Variants in CMTM8 observed in about 807,000 individuals in gnomAD.
CMTM8 encodes CKLF-like MARVEL transmembrane domain-containing protein 8.
Under a neutral mutation model 18.6 loss-of-function variants are expected in CMTM8, and 12 were observed. The ratio of observed to expected loss-of-function variants is 0.65; its 90% CI spans 0.41 to 1.05. The LOEUF (loss-of-function observed/expected upper bound fraction) is 1.05, where lower values mean the gene tolerates loss of function less well. CMTM8 is among the 50% of genes least tolerant of loss of function. The pLI is 0.00. For synonymous variants in CMTM8, 87 were observed against 90.6 expected (o/e 0.96, Z 0.23); for missense variants, 217 against 227.2 (o/e 0.95, Z 0.29).
chr3:32,339,969 T>C (rs180979782), intron 1 of CMTM8, among the ~76,000 whole-genome samples: 1 of 151,992 alleles, frequency 6.6e-6, no homozygotes, highest in East Asian at 1.9e-4. Flanking sequence ...TCTCAAAAAA[T>C]AAATAAATAA....
chr3:32,307,786 A>T (rs1695745468), intron 1 of CMTM8, among the ~76,000 whole-genome samples: 1 of 152,186 alleles, frequency 6.6e-6, no homozygotes, highest in Non-Finnish European at 1.5e-5. Context: ...GAGTCAGTAG[A>T]TCTGGAGTGG....
intron 1 of CMTM8, among the ~76,000 whole-genome samples, chr3:32,246,384 C>T (rs773481372): frequency 2.2e-4 from 33 of 152,150 alleles, no homozygotes; most frequent in Non-Finnish European, 4.0e-4. Context: ...CTGCGTCCCT[C>T]CACAGAAGAC....
chr3:32,281,699 G>A (rs1301386623), intron 1 of CMTM8, among the ~76,000 whole-genome samples: 1 of 151,944 alleles, frequency 6.6e-6, no homozygotes, highest in African/African-American at 2.4e-5. Flanking sequence ...AATCAGCCTT[G>A]TCACTAGTCT....
chr3:32,355,645 C>T (rs1696802390), intron 1 of CMTM8, among the ~76,000 whole-genome samples: 1 of 152,180 alleles, frequency 6.6e-6, no homozygotes, highest in South Asian at 2.1e-4. Context: ...AAAAATCTAG[C>T]CTAATCTTAA....
chr3:32,351,102 A>G (rs1696698832), intron 1 of CMTM8, among the ~76,000 whole-genome samples: 1 of 152,274 alleles, frequency 6.6e-6, no homozygotes, highest in Non-Finnish European at 1.5e-5. Flanking sequence ...TACATGAAAT[A>G]CATGTTGAAG....
chr3:32,297,476 GGCC>G (rs1559372970), intron 1 of CMTM8, among the ~76,000 whole-genome samples: 168 of 148,580 alleles, frequency 1.1e-3, no homozygotes, highest in African/African-American at 3.7e-3. Context: ...CACCGTGCCT[GGCC>G]TGTACCTAAA....
At chr3:32,245,737 A>G (rs1195409945) in intron 1 of CMTM8, among the ~76,000 whole-genome samples, 1 of 152,234 alleles carries the variant, frequency 6.6e-6, no homozygotes, top group Non-Finnish European at 1.5e-5. Flanking sequence ...CCTTTAAAAA[A>G]TAGTGAACAT....
chr3:32,317,059 CAGTCAAGGGA>C (rs1453419082), intron 1 of CMTM8, among the ~76,000 whole-genome samples: 1 of 152,164 alleles, frequency 6.6e-6, no homozygotes, highest in Non-Finnish European at 1.5e-5. Flanking sequence ...CACAGATAGG[CAGTCAAGGGA>C]AAGGGTGAAG....
Position 32,238,958 on chromosome 3 carries a change from G to C in CMTM8, c.-15G>C, listed in dbSNP as rs1312770003. The C allele has an allele frequency of 9.7e-6, 15 of 1,544,704 alleles. No homozygotes were observed. The African/African-American group carries it at 1.2e-4, about 13-fold the overall frequency. On this transcript the variant is annotated 5_prime_UTR_variant, in exon 1 of 4. Coordinates refer to ENST00000307526, the MANE Select transcript of CMTM8 (RefSeq NM_178868.5). ...GGGGTCCCTGGGGACGCGCCAGCCC[G>C]GCAGTGGCTCGACGATGGAGGAGCC...
chr3:32,354,767 G>A (rs754999282), intron 1 of CMTM8, among the ~76,000 whole-genome samples: 6 of 152,144 alleles, frequency 3.9e-5, no homozygotes, highest in African/African-American at 9.7e-5. Context: ...TGTTTCAGAC[G>A]CTGCCATGCT....
At chr3:32,337,490 C>G (rs1475371384) in intron 1 of CMTM8, among the ~76,000 whole-genome samples, 1 of 152,308 alleles carries the variant, frequency 6.6e-6, no homozygotes, top group South Asian at 2.1e-4. Flanking sequence ...GACCCAGGAC[C>G]ATGATCCAAG....
intron 1 of CMTM8, among the ~76,000 whole-genome samples, chr3:32,295,482 A>AAAAAAAAAAG (rs1702862309): frequency 8.5e-6 from 1 of 117,514 alleles, no homozygotes; most frequent in South Asian, 2.5e-4. Flanking sequence ...AAAAAAACAA[A>AAAAAAAAAAG]ACAAAACAGC....
chr3:32,270,273 A>C (rs1702417148), intron 1 of CMTM8, among the ~76,000 whole-genome samples: 1 of 152,210 alleles, frequency 6.6e-6, no homozygotes, highest in Non-Finnish European at 1.5e-5. Context: ...ACTGAGGTTA[A>C]GAAATAGAAC....
intron 1 of CMTM8, among the ~76,000 whole-genome samples, chr3:32,248,776 G>A (rs894362011): frequency 2.0e-5 from 3 of 151,866 alleles, no homozygotes; most frequent in African/African-American, 7.3e-5. Context: ...ACAAACTCCT[G>A]GGCTTGAGCC....
intron 1 of CMTM8, among the ~76,000 whole-genome samples, chr3:32,314,294 G>T (rs966932174): frequency 6.6e-6 from 1 of 152,070 alleles, no homozygotes; most frequent in African/African-American, 2.4e-5. Context: ...AGGGCTGCAG[G>T]GGCTGGTTGG....
At chr3:32,361,263 G>T (rs1042400017) in intron 2 of CMTM8, among the ~76,000 whole-genome samples, 1 of 88,488 alleles carries the variant, frequency 1.1e-5, no homozygotes, top group Non-Finnish European at 2.5e-5. Context: ...TTACAGGTGT[G>T]AGCCACGGCG....
At chr3:32,244,692 A>G (rs1221501362) in intron 1 of CMTM8, among the ~76,000 whole-genome samples, 1 of 152,062 alleles carries the variant, frequency 6.6e-6, no homozygotes, top group Non-Finnish European at 1.5e-5. Context: ...GAAGTACCAT[A>G]CCTGGTTTCC....
intron 1 of CMTM8, chr3:32,260,323 C>T: frequency 1.6e-6 from 1 of 637,036 alleles, no homozygotes; most frequent in East Asian, 2.7e-5. Context: ...GCTAACAAAG[C>T]TAAATATAAT....
At chr3:32,268,909 T>TG (rs1183343182) in intron 1 of CMTM8, among the ~76,000 whole-genome samples, 2 of 152,122 alleles carry the variant, frequency 1.3e-5, no homozygotes, top group Admixed American at 1.3e-4. Context: ...TGCCGCTTTC[T>TG]GGGGGGAAAA....
Sources: gnomAD v4.1 joint callset for allele counts (sites outside exome capture counted in the v4.1 genomes callset) on GRCh38, gnomAD v4.1.1 for gene constraint, MANE v1.5 for transcripts, NCBI Gene and HGNC (gene_info 2026-07-23, HGNC 2026-07-21) for gene names.